PHACTR2: variants seen among roughly 807,000 people sequenced by gnomAD.
PHACTR2 encodes phosphatase and actin regulator 2, also known as chromosome 6 open reading frame 56.
PHACTR2 carries 30 observed loss-of-function variants against 76.0 expected under a neutral mutation model. That is an observed-to-expected ratio of 0.39 (90% CI 0.30 to 0.54). The LOEUF is 0.54. Among genes scored for constraint, PHACTR2 ranks in the 20% least tolerant of loss-of-function variants. The pLI, the probability that PHACTR2 is intolerant of heterozygous loss-of-function variation, is 0.61. For synonymous variants in PHACTR2, 292 were observed against 292.5 expected (o/e 1.00, Z 0.02); for missense variants, 696 against 781.1 (o/e 0.89, Z 1.30).
At chr6:143,724,288 C>G (rs139177127) in intron 2 of PHACTR2, among the ~76,000 whole-genome samples, 1 of 152,074 alleles carries the variant, frequency 6.6e-6, no homozygotes, top group Admixed American at 6.5e-5. Context: ...CCCGCCACCA[C>G]GCCTGGCTAA....
chr6:143,626,256 G>A (rs890422998), intron 1 of PHACTR2, among the ~76,000 whole-genome samples: 11 of 152,160 alleles, frequency 7.2e-5, no homozygotes, highest in African/African-American at 2.4e-4. Flanking sequence ...GCACAAAACC[G>A]GCCGGGCACG....
rs1776556659 is a variant in PHACTR2 at position 143,641,208 on chromosome 6, T to C, written c.13+32886T>C. Among the ~76,000 whole-genome samples the C allele has an allele frequency of 6.6e-6, 1 of 152,212 alleles. No homozygotes were observed. Among genetic ancestry groups the C allele is most frequent in the South Asian group, 2.1e-4 (1 of 4,832 alleles). Reference sequence around the variant, plus strand: ...CCTTTGCAGTGGAGACCTCATGGCTTAATCATGATTTAAAGGTCCCACCTC... The same window carrying C: ...CCTTTGCAGTGGAGACCTCATGGCTCAATCATGATTTAAAGGTCCCACCTC... On this transcript the variant is annotated intron_variant, in intron 1 of 11. Transcript: ENST00000305766. This position sits in a 1 kb window ranked among gnomAD's most constrained non-coding sequence, Gnocchi z 5.8.
rs914142450 is a variant in PHACTR2, at chr6:143,823,007, A to C, written c.1923-667A>C. 5.3e-5 allele frequency among the ~76,000 whole-genome samples: 8 copies of C among 152,242 alleles called. No homozygotes were observed. The highest frequency in any genetic ancestry group is 1.9e-4 in the African/African-American group (8 of 41,470). On this transcript the variant is annotated intron_variant, in intron 12 of 12. Transcript: ENST00000440869. The surrounding 1 kb of genome is among the most constrained non-coding windows in gnomAD (Gnocchi z 5.7). ...GCAGTTGAGGCAGGACTTGGTGACTAATAGGAAATGCTGGATGAGGGAGAG... is the reference window on the plus strand; with the variant it reads ...GCAGTTGAGGCAGGACTTGGTGACTCATAGGAAATGCTGGATGAGGGAGAG...
At chr6:143,718,280 A>T (rs765176364) in intron 2 of PHACTR2, among the ~76,000 whole-genome samples, 1 of 152,178 alleles carries the variant, frequency 6.6e-6, no homozygotes, top group Non-Finnish European at 1.5e-5. Flanking sequence ...TAACTCACTA[A>T]ATCATCAGTA....
At position 143,619,012 on chromosome 6, in the gene PHACTR2, T is replaced by G. The variant is rs1776107286; in HGVS notation, c.13+10690T>G. Among the ~76,000 whole-genome samples, 1 of 152,190 alleles carries G rather than the reference T, an allele frequency of 6.6e-6. No homozygotes were observed. The highest frequency in any genetic ancestry group is 6.5e-5 in the Admixed American group (1 of 15,282). ...ATCAAGCCTGAGCTGTGTCTTTTAT[T>G]GTGTGCTACTACTTATATAGAAACT... is the stretch of plus-strand genomic sequence containing the variant. On this transcript the variant is annotated intron_variant, in intron 1 of 11. Transcript: ENST00000305766. This position sits in a 1 kb window ranked among gnomAD's most constrained non-coding sequence, Gnocchi z 4.5.
Position 143,780,016 on chromosome 6 carries a change from A to G in PHACTR2, c.1645+2633A>G, listed in dbSNP as rs1775388421. On this transcript the variant is annotated intron_variant, in intron 9 of 12. Transcript: ENST00000440869. This position sits in a 1 kb window ranked among gnomAD's most constrained non-coding sequence, Gnocchi z 4.4. ...AATAGAAAGCAACTTTTGGTACTTA[A>G]AAGTTCAACTTTTGCTAATCAAGAA... Among the ~76,000 whole-genome samples the G allele has an allele frequency of 6.6e-6, 1 of 151,060 alleles. No individual in the cohort carries two copies. The highest frequency in any genetic ancestry group is 1.5e-5 in the Non-Finnish European group (1 of 67,824).
Position 143,689,800 on chromosome 6 carries a change from C to G in PHACTR2, c.46+11591C>G, listed in dbSNP as rs1390664396. On this transcript the variant is annotated intron_variant, in intron 1 of 12. Coordinates refer to ENST00000440869, the MANE Select transcript of PHACTR2 (RefSeq NM_001100164.2). This position sits in a 1 kb window ranked among gnomAD's most constrained non-coding sequence, Gnocchi z 4.4. The stretch of plus-strand genomic sequence containing the variant: ...CTCCGGCTCCTGGGTTCAAGTGATT[C>G]TCCTGCCTCAGCCTCCCGATTAGCT... 6.6e-6 allele frequency among the ~76,000 whole-genome samples: 1 copy of G among 150,514 alleles called. No individual in the cohort carries two copies. The highest frequency in any genetic ancestry group is 1.5e-5 in the Non-Finnish European group (1 of 67,806).
rs1775171411 is a variant in PHACTR2 at position 143,556,170 on chromosome 6, A to T, written c.217+18963A>T. ...TTTAGGACTTCAGGCAGGGATCATT[A>T]CTAAAGTCCCTAGCTTTGATTAGAA... On this transcript the variant is annotated intron_variant, in intron 1 of 11. Transcript: ENST00000367584. This position sits in a 1 kb window ranked among gnomAD's most constrained non-coding sequence, Gnocchi z 4.3. Among the ~76,000 whole-genome samples, 1 of 152,256 alleles carries T rather than the reference A, an allele frequency of 6.6e-6. No homozygotes were observed. Among genetic ancestry groups the T allele is most frequent in the African/African-American group, 2.4e-5 (1 of 41,474 alleles).
chr6:143,800,555 C>T lies in PHACTR2; in HGVS notation c.1846-6502C>T, dbSNP rs1252376274. ...GGATTACAGGTGTGAGCCACCGCAC[C>T]CAGCCCATCCCTTTATTTTGAGCCT... On this transcript the variant is annotated intron_variant, in intron 11 of 12. Transcript: ENST00000440869. This position sits in a 1 kb window ranked among gnomAD's most constrained non-coding sequence, Gnocchi z 4.8. Among the ~76,000 whole-genome samples the T allele has an allele frequency of 2.0e-5, 3 of 152,088 alleles. No individual in the cohort carries two copies. Among genetic ancestry groups the T allele is most frequent in the Non-Finnish European group, 4.4e-5 (3 of 67,990 alleles).
chr6:143,727,132 C>T (rs772652723), intron 2 of PHACTR2, among the ~76,000 whole-genome samples: 38 of 152,210 alleles, frequency 2.5e-4, no homozygotes, highest in Non-Finnish European at 3.7e-4. Context: ...CCCAGCCTCT[C>T]GTAACTGTCA....
At position 143,823,414 on chromosome 6, in the gene PHACTR2, A is replaced by T. The variant is rs1263558289; in HGVS notation, c.1923-260A>T. Reference sequence around the variant, plus strand: ...CTGTCTTGGTTGCTGTGTAACTTGAATACTATAACCAGCATCTTTTATATA... The same window carrying T: ...CTGTCTTGGTTGCTGTGTAACTTGATTACTATAACCAGCATCTTTTATATA... On this transcript the variant is annotated intron_variant, in intron 12 of 12. Transcript: ENST00000440869. This position sits in a 1 kb window ranked among gnomAD's most constrained non-coding sequence, Gnocchi z 5.7. Among the ~76,000 whole-genome samples, 1 of 152,232 alleles carries T rather than the reference A, an allele frequency of 6.6e-6. No individual in the cohort carries two copies. The highest frequency in any genetic ancestry group is 1.9e-4 in the East Asian group (1 of 5,196).
In PHACTR2 at chr6:143,700,282, C is replaced by T. The variant is rs751945858; in HGVS notation, c.47-11734C>T. ...AAAACTGTGATATTTCAGCCAGGCG[C>T]GGTGGCTCATGCCTGTAAACCAAAC... On this transcript the variant is annotated intron_variant, in intron 1 of 12. Transcript: ENST00000440869. The surrounding 1 kb of genome is among the most constrained non-coding windows in gnomAD (Gnocchi z 4.1). Among the ~76,000 whole-genome samples the T allele has an allele frequency of 8.5e-5, 13 of 152,092 alleles. No homozygotes were observed. The highest frequency in any genetic ancestry group is 1.6e-4 in the Non-Finnish European group (11 of 68,026).
At chr6:143,686,155 T>C (rs1023460560) in intron 1 of PHACTR2, among the ~76,000 whole-genome samples, 2 of 149,224 alleles carry the variant, frequency 1.3e-5, no homozygotes, top group African/African-American at 4.9e-5. Flanking sequence ...AAAGTGCACT[T>C]AGACTACACT....
rs35606517 is a variant in PHACTR2 at position 143,552,888 on chromosome 6, GAAAAAAA to G, written c.217+15695_217+15701del. Among the ~76,000 whole-genome samples, 16 of 116,696 alleles carry G rather than the reference GAAAAAAA, an allele frequency of 1.4e-4. No homozygotes were observed. The East Asian group carries it at 2.1e-3, about 15-fold the overall frequency. The allele number at this position is 116,696 out of a possible 152,430, so 76.6% of individuals were successfully genotyped here. ...ACTGAGCAAGACTCCATCTCAAAAAGAAAAAAAAAAAAAAAAAAAAGCAAAAAACTAA... is the reference window on the plus strand; with the variant it reads ...ACTGAGCAAGACTCCATCTCAAAAAGAAAAAAAAAAAAAGCAAAAAACTAA... On this transcript the variant is annotated intron_variant, in intron 1 of 11. Coordinates refer to the PHACTR2 transcript ENST00000367584.
intron 1 of PHACTR2, among the ~76,000 whole-genome samples, chr6:143,651,597 CA>C (rs1232140167): frequency 6.6e-6 from 1 of 152,044 alleles, no homozygotes; most frequent in Non-Finnish European, 1.5e-5. Context: ...GAACAAAAAT[CA>C]AACACCGCAT....
In PHACTR2 at chr6:143,730,509, A is replaced by G. The variant is rs1441686212; in HGVS notation, c.214+18326A>G. 6.6e-6 allele frequency among the ~76,000 whole-genome samples: 1 copy of G among 152,224 alleles called. No homozygotes were observed. Among genetic ancestry groups the G allele is most frequent in the Non-Finnish European group, 1.5e-5 (1 of 68,044 alleles). ...CTTATTAAACTCACTTATCAGTTCTAGTAGTTCTAGTGAAAATACCTTAGG... is the reference window on the plus strand; with the variant it reads ...CTTATTAAACTCACTTATCAGTTCTGGTAGTTCTAGTGAAAATACCTTAGG... On this transcript the variant is annotated intron_variant, in intron 2 of 12. Coordinates refer to ENST00000440869, the MANE Select transcript of PHACTR2 (RefSeq NM_001100164.2). The surrounding 1 kb of genome is among the most constrained non-coding windows in gnomAD (Gnocchi z 4.8).
rs1394006399 is a variant in PHACTR2 at position 143,597,191 on chromosome 6, A to C, written c.217+59984A>C. ...GTAGGGAGGGACAGGAATGACTTCC[A>C]GGAAGATAGTTGCTCAACCTAGCCT... On this transcript the variant is annotated intron_variant, in intron 1 of 11. Coordinates refer to the PHACTR2 transcript ENST00000367584. The surrounding 1 kb of genome is among the most constrained non-coding windows in gnomAD (Gnocchi z 5.7). 6.6e-6 allele frequency among the ~76,000 whole-genome samples: 1 copy of C among 152,232 alleles called. No homozygotes were observed. The highest frequency in any genetic ancestry group is 6.5e-5 in the Admixed American group (1 of 15,280).
At position 143,561,001 on chromosome 6, in the gene PHACTR2, G is replaced by T. The variant is rs986361366; in HGVS notation, c.217+23794G>T. Among the ~76,000 whole-genome samples the T allele has an allele frequency of 6.6e-6, 1 of 151,648 alleles. No homozygotes were observed. Among genetic ancestry groups the T allele is most frequent in the Non-Finnish European group, 1.5e-5 (1 of 67,928 alleles). On this transcript the variant is annotated intron_variant, in intron 1 of 11. Coordinates refer to the PHACTR2 transcript ENST00000367584. The surrounding 1 kb of genome is among the most constrained non-coding windows in gnomAD (Gnocchi z 4.1). ...AGGCTTAGAACCAGCAAGGACTCTG[G>T]GGGGCTTTAAGTAATAAACTGGCCA...
In PHACTR2 at chr6:143,618,317, T is replaced by TA. The variant is rs984991365; in HGVS notation, c.13+9998dup. Among the ~76,000 whole-genome samples the TA allele has an allele frequency of 1.2e-4, 18 of 152,030 alleles. No homozygotes were observed. Among genetic ancestry groups the TA allele is most frequent in the African/African-American group, 4.4e-4 (18 of 41,370 alleles). ...CTCCAGAATGAGTTTCAGATCATTT[T>TA]AAATTGATAGTGACCTTAAATATTA... On this transcript the variant is annotated intron_variant, in intron 1 of 11. Transcript: ENST00000305766. The surrounding 1 kb of genome is among the most constrained non-coding windows in gnomAD (Gnocchi z 5.2).
Sources: allele counts gnomAD v4.1 joint callset (sites outside exome capture counted in the v4.1 genomes callset), GRCh38; gene constraint gnomAD v4.1.1; non-coding constraint Gnocchi (gnomAD v3.1); transcripts MANE v1.5; gene names NCBI Gene and HGNC (gene_info 2026-07-23, HGNC 2026-07-21).